Variants in RNLS observed in about 807,000 individuals in gnomAD.
RNLS encodes renalase, FAD dependent amine oxidase, also known as renalase.
In RNLS, 39 loss-of-function variants were observed where a neutral mutation model predicts 39.8. That is an observed-to-expected ratio of 0.98 (90% CI 0.76 to 1.28). The LOEUF (loss-of-function observed/expected upper bound fraction) is 1.28, where lower values mean the gene tolerates loss of function less well. Among genes scored for constraint, RNLS ranks in the 50% most tolerant of loss-of-function variants. RNLS has a pLI of 0.00. For synonymous variants in RNLS, 147 were observed against 150.7 expected, an observed-to-expected ratio of 0.98 and a Z score of 0.18; for missense variants, 410 against 413.3, an observed-to-expected ratio of 0.99 and a Z score of 0.07.
At chr10:88,172,758 T>C in the RNLS span, among the ~76,000 whole-genome samples, 1 of 150,392 alleles carries the variant, frequency 6.6e-6, no homozygotes. Context: ...TCAAGACTAA[T>C]GTCCTGAAGC....
chr10:88,275,090 C>A, intron 6 of RNLS: 1 of 1,223,606 alleles, frequency 8.2e-7, no homozygotes, highest in Admixed American at 1.7e-5. Context: ...TGGCCTCTGA[C>A]ACCTTGTCTA....
intron 4 of RNLS, among the ~76,000 whole-genome samples, chr10:88,488,070 G>A (rs67679562): frequency 0.19 from 28,639 of 152,080 alleles, 2,984 homozygotes; most frequent in Middle Eastern, 0.29. Flanking sequence ...GAGGATGCAA[G>A]GGCTGGAGAT....
At chr10:88,254,576 A>G in the RNLS span, among the ~76,000 whole-genome samples, 1 of 152,194 alleles carries the variant, frequency 6.6e-6, no homozygotes, top group Non-Finnish European at 1.5e-5. Flanking sequence ...TTTCTGTGAG[A>G]CACACCTGTA....
chr10:88,206,259 A>G, the RNLS span, among the ~76,000 whole-genome samples: 1 of 152,200 alleles, frequency 6.6e-6, no homozygotes, highest in Non-Finnish European at 1.5e-5. Context: ...TTGCACTTTT[A>G]AAAACCATTC....
At chr10:88,282,445 T>G (rs899049039), downstream of RNLS, among the ~76,000 whole-genome samples, 11 of 151,328 alleles carry the variant, frequency 7.3e-5, no homozygotes, top group African/African-American at 2.2e-4. Context: ...TCTGCTTATT[T>G]CACAGAGGTG....
chr10:88,409,669 C>T (rs559734561), intron 4 of RNLS, among the ~76,000 whole-genome samples: 1 of 152,148 alleles, frequency 6.6e-6, no homozygotes, highest in South Asian at 2.1e-4. Flanking sequence ...AGTCATTAAT[C>T]TTCTAAACAT....
intron 5 of RNLS, among the ~76,000 whole-genome samples, chr10:88,355,814 G>C (rs1449540192): frequency 6.6e-6 from 1 of 152,160 alleles, no homozygotes; most frequent in Non-Finnish European, 1.5e-5. Flanking sequence ...CCAGAGGTGG[G>C]GTCTACAGAG....
the RNLS span, among the ~76,000 whole-genome samples, chr10:88,265,163 T>G: frequency 6.6e-6 from 1 of 152,184 alleles, no homozygotes; most frequent in Non-Finnish European, 1.5e-5. Flanking sequence ...GGTTTATTTC[T>G]GGGTTCGCTT....
chr10:88,455,694 C>T (rs952762406), intron 4 of RNLS, among the ~76,000 whole-genome samples: 2 of 152,168 alleles, frequency 1.3e-5, no homozygotes, highest in African/African-American at 2.4e-5. Flanking sequence ...GCGTGAGCCA[C>T]CACGCCTGGC....
the RNLS span, among the ~76,000 whole-genome samples, chr10:88,263,866 T>C: frequency 6.6e-6 from 1 of 152,186 alleles, no homozygotes; most frequent in Admixed American, 6.6e-5. Flanking sequence ...GGTGGTGTTT[T>C]ATTATATGAA....
intron 4 of RNLS, among the ~76,000 whole-genome samples, chr10:88,463,198 G>C (rs1034744521): frequency 6.6e-6 from 1 of 152,014 alleles, no homozygotes; most frequent in Non-Finnish European, 1.5e-5. Flanking sequence ...ACTGTCATTA[G>C]TTAAGGTGAG....
intron 4 of RNLS, among the ~76,000 whole-genome samples, chr10:88,501,032 T>C (rs1845449580): frequency 6.6e-6 from 1 of 151,910 alleles, no homozygotes; most frequent in Non-Finnish European, 1.5e-5. Flanking sequence ...TGTGTGTGTG[T>C]GTGTGTATAT....
chr10:88,343,894 G>T, intron 5 of RNLS: 1 of 878,622 alleles, frequency 1.1e-6, no homozygotes, highest in South Asian at 5.2e-5. Context: ...CTCACATTTG[G>T]TTTTCCAGGC....
chr10:88,351,176 G>A (rs1481915806), intron 5 of RNLS, among the ~76,000 whole-genome samples: 3 of 152,054 alleles, frequency 2.0e-5, no homozygotes, highest in African/African-American at 7.2e-5. Context: ...CCATTCTGTA[G>A]GTTGCCCATT....
downstream of RNLS, among the ~76,000 whole-genome samples, chr10:88,271,862 A>C (rs1313261433): frequency 6.6e-6 from 1 of 152,202 alleles, no homozygotes; most frequent in Non-Finnish European, 1.5e-5. Flanking sequence ...AATGGGTCCC[A>C]GGAGTTCGTT....
chr10:88,270,195 C>T (rs533456214), downstream of RNLS, among the ~76,000 whole-genome samples: 4 of 152,266 alleles, frequency 2.6e-5, no homozygotes, highest in Middle Eastern at 3.4e-3. Flanking sequence ...CTATAATCTC[C>T]GTTGATCGAC....
chr10:88,576,498 C>A (rs1250756586), intron 3 of RNLS, among the ~76,000 whole-genome samples: 1 of 152,204 alleles, frequency 6.6e-6, no homozygotes, highest in East Asian at 1.9e-4. Flanking sequence ...TAGTGAGCAG[C>A]AGTCAGAACT....
the RNLS span, among the ~76,000 whole-genome samples, chr10:88,187,178 A>AATATATATAATATATATAAT: frequency 3.1e-5 from 4 of 127,440 alleles, no homozygotes; most frequent in African/African-American, 8.8e-5. Context: ...ATATATATAT[A>AATATATATAATATATATAAT]ATATATATAA....
chr10:88,227,767 C>T, the RNLS span, among the ~76,000 whole-genome samples: 1 of 152,198 alleles, frequency 6.6e-6, no homozygotes, highest in Non-Finnish European at 1.5e-5. Context: ...TCATTCCTTG[C>T]CAGTCATCCT....
Sources: allele counts gnomAD v4.1 joint callset (sites outside exome capture counted in the v4.1 genomes callset), GRCh38; gene constraint gnomAD v4.1.1; transcripts MANE v1.5; gene names NCBI Gene and HGNC (gene_info 2026-07-23, HGNC 2026-07-21).